The following PTPRJ variants were observed in gnomAD, a reference collection of about 807,000 sequenced individuals.
PTPRJ encodes the protein receptor-type tyrosine-protein phosphatase eta.
Under a neutral mutation model 141.3 loss-of-function variants are expected in PTPRJ, and 129 were observed. The ratio of observed to expected loss-of-function variants is 0.91; its 90% CI spans 0.79 to 1.06. The LOEUF (loss-of-function observed/expected upper bound fraction) is 1.06, where lower values mean the gene tolerates loss of function less well. PTPRJ is among the 50% of genes least tolerant of loss of function. PTPRJ has a pLI of 0.00. For synonymous variants in PTPRJ, 610 were observed against 640.5 expected (o/e 0.95, Z 0.72); for missense variants, 1,601 against 1,679.7 (o/e 0.95, Z 0.82).
In PTPRJ at chr11:48,136,074, G is replaced by A. The variant is rs769547786; in HGVS notation, c.1651G>A (p.Val551Ile). The A allele has an allele frequency of 3.7e-6, 6 of 1,613,966 alleles. No individual in the cohort carries two copies. Among genetic ancestry groups the A allele is most frequent in the African/African-American group, 1.3e-5 (1 of 74,912 alleles). Residue 551 changes from valine (V) to isoleucine (I), a missense_variant, in exon 9 of 25, where the codon GTC becomes ATC. Physicochemically the swap from Val to Ile is conservative, Grantham distance 29. Transcript: ENST00000418331. ...AGTGTTTGACATCCACGTGGTCTAC[G>A]TCACCACCACGGAGATGTGGCTGGA... The part of the protein sequence containing the change: ...SAVFDIHVVY[V>I]TTTEMWLDWK...
intron 2 of PTPRJ, among the ~76,000 whole-genome samples, chr11:48,112,488 T>C (rs985042410): frequency 5.3e-5 from 8 of 152,192 alleles, no homozygotes; most frequent in Non-Finnish European, 1.0e-4. Context: ...AGCTCACGCC[T>C]CCTCTCCTTT....
At chr11:48,092,532 A>C (rs1855898836) in intron 1 of PTPRJ, among the ~76,000 whole-genome samples, 1 of 151,554 alleles carries the variant, frequency 6.6e-6, no homozygotes, top group Non-Finnish European at 1.5e-5. Context: ...TGGGCTCAAG[A>C]TATTCTCTTG....
At chr11:48,039,523 T>C (rs1221171053) in intron 1 of PTPRJ, among the ~76,000 whole-genome samples, 5 of 151,668 alleles carry the variant, frequency 3.3e-5, no homozygotes, top group Admixed American at 3.3e-4. Context: ...GTGGCCTTTA[T>C]TGAACACTGT....
chr11:48,160,412 C>T (rs774549252), intron 22 of PTPRJ, among the ~76,000 whole-genome samples: 6 of 152,236 alleles, frequency 3.9e-5, no homozygotes, highest in African/African-American at 9.6e-5. Context: ...GCATCAGGAG[C>T]GGCCACTTGC....
chr11:48,159,122 GGTGTGT>G (rs1174836598), intron 21 of PTPRJ, among the ~76,000 whole-genome samples: 349 of 5,296 alleles, frequency 0.066, 5 homozygotes, highest in African/African-American at 0.083. Flanking sequence ...GTGTATGTGG[GGTGTGT>G]GTGTGTGTGT....
intron 1 of PTPRJ, among the ~76,000 whole-genome samples, chr11:48,097,696 C>A (rs1007684523): frequency 7.2e-5 from 11 of 152,106 alleles, no homozygotes; most frequent in African/African-American, 2.7e-4. Context: ...CACTGCCAAG[C>A]CCGGCTAAGT....
chr11:48,134,265 T>C (rs2134356456), intron 8 of PTPRJ, among the ~76,000 whole-genome samples: 1 of 152,384 alleles, frequency 6.6e-6, no homozygotes. Context: ...AATTTCTTTT[T>C]ACTCAGTCTA....
At chr11:48,135,476 C>CTT (rs34709299) in intron 8 of PTPRJ, among the ~76,000 whole-genome samples, 3,106 of 58,238 alleles carry the variant, frequency 0.053, 336 homozygotes, top group African/African-American at 0.15. Flanking sequence ...CGCGCCTGGC[C>CTT]TTTTTTTTTT....
At chr11:48,104,956 C>T (rs1856248662) in intron 1 of PTPRJ, among the ~76,000 whole-genome samples, 1 of 152,084 alleles carries the variant, frequency 6.6e-6, no homozygotes, top group African/African-American at 2.4e-5. Flanking sequence ...TCGGTGTCTA[C>T]ATCTGGAAAA....
In PTPRJ at chr11:48,158,595, T is replaced by C. The variant is rs1284275859; in HGVS notation, c.3439-1335T>C. Among the ~76,000 whole-genome samples the C allele has an allele frequency of 6.6e-6, 1 of 152,176 alleles. No individual in the cohort carries two copies. Among genetic ancestry groups the C allele is most frequent in the Non-Finnish European group, 1.5e-5 (1 of 68,030 alleles). ...GTTGTTTCTTTGGAACCTGGGTCTT[T>C]AAAGAAATACAGATCCCGCAGCCAG... On this transcript the variant is annotated intron_variant, in intron 21 of 24. Transcript: ENST00000418331. This position sits in a 1 kb window ranked among gnomAD's most constrained non-coding sequence, Gnocchi z 4.4.
intron 14 of PTPRJ, among the ~76,000 whole-genome samples, chr11:48,145,576 T>C (rs1324826689): frequency 6.9e-6 from 1 of 144,812 alleles, no homozygotes; most frequent in Non-Finnish European, 1.5e-5. Context: ...TTTTTTTTTT[T>C]CAGACAGAGT....
chr11:48,007,201 C>T (rs896249078), intron 1 of PTPRJ, among the ~76,000 whole-genome samples: 6 of 151,652 alleles, frequency 4.0e-5, no homozygotes, highest in Admixed American at 3.3e-4. Flanking sequence ...CCCGGGTTCA[C>T]GCCATTCTCC....
chr11:48,002,661 G>A (rs117916244), intron 1 of PTPRJ, among the ~76,000 whole-genome samples: 3,903 of 152,182 alleles, frequency 0.026, 79 homozygotes, highest in Non-Finnish European at 0.042. Flanking sequence ...GCTTTTCTTC[G>A]TTGTGATTAT....
At chr11:48,145,595 G>A (rs1590556069) in intron 14 of PTPRJ, among the ~76,000 whole-genome samples, 1 of 108,032 alleles carries the variant, frequency 9.3e-6, no homozygotes, top group Non-Finnish European at 1.8e-5. Flanking sequence ...GTCTTGCTCT[G>A]TCACCCAGGC....
chr11:48,049,565 C>CAAAACAA (rs746217685), intron 1 of PTPRJ, among the ~76,000 whole-genome samples: 26 of 150,814 alleles, frequency 1.7e-4, no homozygotes, highest in African/African-American at 6.4e-4. Flanking sequence ...CAAAACAAAA[C>CAAAACAA]AAGTCGGGTG....
At chr11:48,149,552 A>G (rs1403963944) in intron 16 of PTPRJ, 64 bp downstream of exon 16, 2 of 1,088,100 alleles carry the variant, frequency 1.8e-6, no homozygotes, top group East Asian at 2.6e-5. Flanking sequence ...CTATCTATAA[A>G]TAATTTTTGA....
chr11:47,981,131 G>T (rs998765746), intron 1 of PTPRJ, 123 bp downstream of exon 1: 62 of 1,035,646 alleles, frequency 6.0e-5, no homozygotes, highest in Admixed American at 3.8e-4. Flanking sequence ...CGGATCCCCG[G>T]ATCCCCGGAA....
intron 1 of PTPRJ, among the ~76,000 whole-genome samples, chr11:47,989,150 T>C (rs1854126818): frequency 6.6e-6 from 1 of 152,006 alleles, no homozygotes; most frequent in African/African-American, 2.4e-5. Context: ...CCCAAAGTGC[T>C]GGGATTACAG....
At position 48,158,404 on chromosome 11, in the gene PTPRJ, T is replaced by C. The variant is rs1565332886; in HGVS notation, c.3439-1526T>C. Among the ~76,000 whole-genome samples, 2 of 152,290 alleles carry C rather than the reference T, an allele frequency of 1.3e-5. No individual in the cohort carries two copies. The highest frequency in any genetic ancestry group is 1.9e-4 in the East Asian group (1 of 5,182). On this transcript the variant is annotated intron_variant, in intron 21 of 24. Transcript: ENST00000418331. This position sits in a 1 kb window ranked among gnomAD's most constrained non-coding sequence, Gnocchi z 4.4. ...TTTTCTGCACTAGATTCTCCATATA[T>C]GTTATTTTTTTTCTGTAACAACCCT...
Sources: allele counts gnomAD v4.1 joint callset (sites outside exome capture counted in the v4.1 genomes callset), GRCh38; gene constraint gnomAD v4.1.1; non-coding constraint Gnocchi (gnomAD v3.1); transcripts MANE v1.5; gene names NCBI Gene and HGNC (gene_info 2026-07-23, HGNC 2026-07-21).